The following SH2D7 variants were observed in gnomAD, a reference collection of about 807,000 sequenced individuals.
The protein encoded by SH2D7 is SH2 domain-containing protein 7.
In SH2D7, 32 loss-of-function variants were observed where a neutral mutation model predicts 40.8. That is an observed-to-expected ratio of 0.78 (90% CI 0.59 to 1.05). The LOEUF (loss-of-function observed/expected upper bound fraction) is 1.05. SH2D7 is among the 50% of genes least tolerant of loss of function. The pLI, the probability that SH2D7 is intolerant of heterozygous loss-of-function variation, is 0.00. For synonymous variants in SH2D7, 195 were observed against 221.5 expected, an observed-to-expected ratio of 0.88 and a Z score of 1.06; for missense variants, 559 against 566.6, an observed-to-expected ratio of 0.99 and a Z score of 0.14.
upstream of SH2D7, chr15:78,092,518 A>G (rs998306062): frequency 1.7e-5 from 25 of 1,475,434 alleles, no homozygotes; most frequent in Middle Eastern, 2.2e-4. Flanking sequence ...CAAATGAGCC[A>G]GAGCACACGC....
In SH2D7 at chr15:78,101,071, C is replaced by A. The variant is rs1421209936; in HGVS notation, c.818C>A (p.Ala273Asp). 2 of 1,599,920 alleles carry A rather than the reference C, an allele frequency of 1.3e-6. No individual in the cohort carries two copies. Among genetic ancestry groups the A allele is most frequent in the Admixed American group, 1.7e-5 (1 of 57,278 alleles). ...RHGPVPAGSQAYSPGREAQRR... is the reference protein window; with the variant it reads ...RHGPVPAGSQDYSPGREAQRR... ...GGGCCAGTTCCAGCTGGCAGCCAGG[C>A]CTACTCCCCAGGCAGGGAGGCCCAA... Residue 273 changes from alanine to aspartate, a missense_variant, in exon 5 of 6, where the codon GCC (alanine) becomes GAC (aspartate). Coordinates refer to ENST00000328828, the MANE Select transcript of SH2D7 (RefSeq NM_001101404.2).
In SH2D7 at chr15:78,103,285, G is replaced by T. The variant is rs368793508; in HGVS notation, c.1306-180G>T. On this transcript the variant is annotated intron_variant, in intron 5 of 5. Transcript: ENST00000328828. ...TGAACCCTGCATCTGAAATTGGGGA[G>T]CTAAAGGTGGGATTTCGGGCACTGG... is the stretch of plus-strand genomic sequence containing the variant. Among the ~76,000 whole-genome samples, 11 of 152,312 alleles carry T rather than the reference G, an allele frequency of 7.2e-5. No individual in the cohort carries two copies. In the East Asian group the frequency reaches 2.1e-3, roughly 29 times the overall value.
chr15:78,098,593 G>C lies in SH2D7; in HGVS notation c.642G>C (p.Met214Ile). 6.2e-7 allele frequency: 1 copy of C among 1,613,250 alleles called. No individual in the cohort carries two copies. The highest frequency in any genetic ancestry group is 2.2e-5 in the East Asian group (1 of 44,856). ...GGAACCTCTCCCAGGAGGAAAGCAT[G>C]GAGGTGAGGAGCATTATGGGCCACC... is the stretch of plus-strand genomic sequence containing the variant. ...SPRNLSQEES[M>I]EAPIRVSPLP... Residue 214 changes from methionine (M) to isoleucine (I), a missense_variant, in exon 4 of 6, where the codon ATG becomes ATC. Coordinates refer to ENST00000328828, the MANE Select transcript of SH2D7 (RefSeq NM_001101404.2).
At chr15:78,098,825 G>A (rs938968927) in intron 4 of SH2D7, among the ~76,000 whole-genome samples, 1 of 152,248 alleles carries the variant, frequency 6.6e-6, no homozygotes, top group Non-Finnish European at 1.5e-5. Context: ...ATTTTCTAGC[G>A]ATGTGGCTTT....
intron 5 of SH2D7, 86 bp from the exon 6 acceptor site, chr15:78,103,379 C>G (rs948544240): frequency 7.3e-6 from 11 of 1,497,058 alleles, no homozygotes; most frequent in Non-Finnish European, 9.9e-6. Flanking sequence ...GCCCCCAACC[C>G]AAGGTCAATG....
chr15:78,093,819 C>T (rs1221573708), intron 1 of SH2D7, among the ~76,000 whole-genome samples: 1 of 152,228 alleles, frequency 6.6e-6, no homozygotes, highest in Non-Finnish European at 1.5e-5. Context: ...GGGTCAGCAA[C>T]CAATGTGCCT....
upstream of SH2D7, among the ~76,000 whole-genome samples, chr15:78,092,297 C>A (rs1260287711): frequency 6.6e-6 from 1 of 152,190 alleles, no homozygotes; most frequent in Non-Finnish European, 1.5e-5. Context: ...GGAACAGGGC[C>A]AAACCCAGTG....
chr15:78,100,735 A>G (rs1161911744), intron 4 of SH2D7, among the ~76,000 whole-genome samples, 164 bp from the exon 5 acceptor site: 1 of 152,164 alleles, frequency 6.6e-6, no homozygotes, highest in African/African-American at 2.4e-5. Context: ...CTAGAGCATG[A>G]GCGCTGGAAG....
rs758717987 is a variant in SH2D7, at chr15:78,101,480, C to T, written c.1227C>T (p.Thr409=). 2 of 1,613,274 alleles carry T rather than the reference C, an allele frequency of 1.2e-6. No homozygotes were observed. The highest frequency in any genetic ancestry group is 3.3e-5 in the Admixed American group (2 of 59,912). The part of the protein sequence containing the change: ...WVHGYKRISG[T]PELSEPGNTY... ...ATGGCTACAAGAGGATCTCAGGGAC[C>T]CCAGAGCTCTCAGAGCCTGGGAACA... The change falls in exon 5 of 6, where the codon ACC becomes ACT. Residue 409 remains threonine (T), a synonymous_variant. Coordinates refer to ENST00000328828, the MANE Select transcript of SH2D7 (RefSeq NM_001101404.2).
chr15:78,101,361 G>T lies in SH2D7; in HGVS notation c.1108G>T (p.Glu370Ter), dbSNP rs779311183. 1.8e-5 allele frequency: 29 copies of T among 1,613,438 alleles called. No homozygotes were observed. The South Asian group carries it at 2.6e-4, about 15-fold the overall frequency. ...AGAGGCCAGGGACACACCAGACCAAGAAGGCAGCACCTATGAGCAGATCCC... is the reference window on the plus strand; with the variant it reads ...AGAGGCCAGGGACACACCAGACCAATAAGGCAGCACCTATGAGCAGATCCC... ...LQEARDTPDQ[E>*]GSTYEQIPAC... is the part of the protein sequence containing the mutation. The change falls in exon 5 of 6, where the codon GAA (glutamate) becomes TAA (stop). Residue 370 changes from glutamate to a stop codon, truncating the protein, a stop_gained. Transcript: ENST00000328828. LOFTEE classifies it high-confidence loss of function.
Position 78,098,556 on chromosome 15 carries a change from A to C in SH2D7, c.605A>C (p.Asp202Ala), listed in dbSNP as rs1474357739. The C allele has an allele frequency of 2.5e-6, 4 of 1,613,946 alleles. No individual in the cohort carries two copies. Among genetic ancestry groups the C allele is most frequent in the Non-Finnish European group, 3.4e-6 (4 of 1,179,854 alleles). The change falls in exon 4 of 6, where the codon GAT (aspartate) becomes GCT (alanine). Residue 202 changes from aspartate to alanine, a missense_variant. Asp to Ala is a moderately radical substitution (Grantham distance 126). Coordinates refer to ENST00000328828, the MANE Select transcript of SH2D7 (RefSeq NM_001101404.2). Reference protein sequence around the residue: ...VSFLHAQKSLDVSPRNLSQEE... With the variant: ...VSFLHAQKSLAVSPRNLSQEE... ...TTCCTCCATGCACAGAAAAGCCTGG[A>C]TGTGAGTCCCCGGAACCTCTCCCAG... is the stretch of plus-strand genomic sequence containing the variant.
chr15:78,094,404 A>G (rs1004536407), intron 2 of SH2D7, among the ~76,000 whole-genome samples: 2 of 152,190 alleles, frequency 1.3e-5, no homozygotes, highest in Non-Finnish European at 2.9e-5. Context: ...CGGCCTTCAA[A>G]GGAGGTGAGT....
intron 2 of SH2D7, among the ~76,000 whole-genome samples, chr15:78,095,927 T>C (rs766477273): frequency 5.9e-5 from 9 of 152,188 alleles, no homozygotes; most frequent in African/African-American, 9.6e-5. Flanking sequence ...ACTGCCACCT[T>C]TGCCTCCCGG....
intron 3 of SH2D7, 101 bp downstream of exon 3, chr15:78,098,195 A>G (rs1567043983): frequency 6.9e-7 from 1 of 1,450,838 alleles, no homozygotes. Flanking sequence ...CTCCCTATTT[A>G]CTATCACCCA....
At chr15:78,099,480 A>ATTTTTTT (rs34331155) in intron 4 of SH2D7, among the ~76,000 whole-genome samples, 1 of 133,130 alleles carries the variant, frequency 7.5e-6, no homozygotes. Flanking sequence ...TGCCTGGCTA[A>ATTTTTTT]TTTTTTTTTT....
At position 78,098,504 on chromosome 15, in the gene SH2D7, C is replaced by T. The variant is rs768064275; in HGVS notation, c.553C>T (p.Arg185Cys). 1.5e-5 allele frequency: 25 copies of T among 1,613,932 alleles called. No homozygotes were observed. The highest frequency in any genetic ancestry group is 8.0e-5 in the African/African-American group (6 of 74,930). Residue 185 changes from arginine (R) to cysteine (C), a missense_variant, in exon 4 of 6, where the codon CGC becomes TGC. By Grantham distance (180) the Arg-to-Cys change is radical (BLOSUM62 -3). Coordinates refer to ENST00000328828, the MANE Select transcript of SH2D7 (RefSeq NM_001101404.2). ...GGTCCCCGACAAGGCCGCCAGCCCC[C>T]GCTCTTCTCCAAAGCCCCAGGTCTC... ...TVVPDKAASP[R>C]SSPKPQVSFL... is the part of the protein sequence containing the mutation.
Position 78,100,914 on chromosome 15 carries a change from T to C in SH2D7, c.661T>C (p.Ser221Pro), listed in dbSNP as rs1331285303. ...EESMEAPIRVSPLPEKSSSLL... is the reference protein window; with the variant it reads ...EESMEAPIRVPPLPEKSSSLL... ...GTCTCCCCAGGCTCCCATCAGAGTG[T>C]CTCCACTCCCTGAGAAGAGTTCCTC... The change falls in exon 5 of 6, where the codon TCT (serine) becomes CCT (proline). Residue 221 changes from serine (S) to proline (P), a missense_variant. By Grantham distance (74) the Ser-to-Pro change is moderately conservative. Coordinates refer to ENST00000328828, the MANE Select transcript of SH2D7 (RefSeq NM_001101404.2). The C allele has an allele frequency of 1.2e-6, 2 of 1,613,546 alleles. No homozygotes were observed. The highest frequency in any genetic ancestry group is 1.7e-6 in the Non-Finnish European group (2 of 1,179,820).
intron 1 of SH2D7, among the ~76,000 whole-genome samples, chr15:78,093,482 AAGTG>A (rs2073951829): frequency 6.6e-6 from 1 of 152,226 alleles, no homozygotes; most frequent in African/African-American, 2.4e-5. Context: ...TTTGGTGAGT[AAGTG>A]AGTGAGGGAA....
rs758438969 is a variant in SH2D7 at position 78,098,443 on chromosome 15, C to T, written c.492C>T (p.Asp164=). 6.2e-7 allele frequency: 1 copy of T among 1,613,968 alleles called. No homozygotes were observed. The highest frequency in any genetic ancestry group is 8.5e-7 in the Non-Finnish European group (1 of 1,179,886). ...ITRGLHQTIV[D]PENPPATAFL... is the part of the protein sequence containing the mutation. ...GGGGCCTCCACCAGACCATCGTGGA[C>T]CCAGAAAACCCACCTGCCACGGCAT... Residue 164 remains aspartate (D), a synonymous_variant, in exon 4 of 6, where the codon GAC becomes GAT. Coordinates refer to ENST00000328828, the MANE Select transcript of SH2D7 (RefSeq NM_001101404.2).
Sources: allele counts gnomAD v4.1 joint callset (sites outside exome capture counted in the v4.1 genomes callset), GRCh38; gene constraint gnomAD v4.1.1; transcripts MANE v1.5; gene names NCBI Gene and HGNC (gene_info 2026-07-23, HGNC 2026-07-21).